Variants in ARMH4 observed in about 807,000 individuals in gnomAD.
The protein encoded by ARMH4 is armadillo like helical domain containing 4, also known as armadillo-like helical domain-containing protein 4.
Under a neutral mutation model 61.9 loss-of-function variants are expected in ARMH4, and 49 were observed. The ratio of observed to expected loss-of-function variants is 0.79; its 90% CI spans 0.63 to 1.00. The LOEUF is 1.00. ARMH4 is among the 50% of genes least tolerant of loss of function. The pLI is 0.00. For missense variants in ARMH4, 934 were observed against 930.0 expected, an observed-to-expected ratio of 1.00 and a Z score of -0.06; for synonymous variants, 368 against 341.5, an observed-to-expected ratio of 1.08 and a Z score of -0.85.
At chr14:58,070,997 C>T (rs1311590374) in intron 5 of ARMH4, among the ~76,000 whole-genome samples, 1 of 151,994 alleles carries the variant, frequency 6.6e-6, no homozygotes, top group Non-Finnish European at 1.5e-5. Context: ...TAACCTGATA[C>T]ATTTGAACAC....
chr14:58,019,548 C>A (rs1170326987), intron 5 of ARMH4, among the ~76,000 whole-genome samples: 6 of 152,066 alleles, frequency 3.9e-5, no homozygotes, highest in Admixed American at 3.9e-4. Flanking sequence ...GAACAAAAAA[C>A]GTGTGAAGAT....
At chr14:58,034,094 A>G (rs1166434117) in intron 5 of ARMH4, among the ~76,000 whole-genome samples, 1 of 130,754 alleles carries the variant, frequency 7.6e-6, no homozygotes, top group Non-Finnish European at 1.7e-5. Flanking sequence ...TCCAAGACAC[A>G]TAATTGTCAG....
chr14:58,025,641 T>C (rs1359827167), intron 5 of ARMH4, among the ~76,000 whole-genome samples: 1 of 152,200 alleles, frequency 6.6e-6, no homozygotes, highest in East Asian at 1.9e-4. Context: ...GAAATGTTTT[T>C]TCCAACTTAT....
chr14:58,075,576 G>A (rs919956911), intron 5 of ARMH4, among the ~76,000 whole-genome samples: 1 of 114,896 alleles, frequency 8.7e-6, no homozygotes, highest in African/African-American at 3.1e-5. Flanking sequence ...ACACAGGGAG[G>A]AGAACATCAC....
intron 4 of ARMH4, among the ~76,000 whole-genome samples, chr14:58,122,872 C>T (rs1437385559): frequency 6.6e-6 from 1 of 152,190 alleles, no homozygotes; most frequent in Non-Finnish European, 1.5e-5. Flanking sequence ...AAACCACTAA[C>T]CAGATGATCC....
At chr14:58,042,698 CA>C (rs1350022442) in intron 5 of ARMH4, among the ~76,000 whole-genome samples, 3 of 151,820 alleles carry the variant, frequency 2.0e-5, no homozygotes, top group African/African-American at 7.3e-5. Context: ...TTGACACTAG[CA>C]AGACTAATAA....
At chr14:58,091,814 C>T (rs535018488) in intron 5 of ARMH4, among the ~76,000 whole-genome samples, 1 of 152,262 alleles carries the variant, frequency 6.6e-6, no homozygotes, top group African/African-American at 2.4e-5. Flanking sequence ...ATGCTACTAG[C>T]GTTTGACCCA....
intron 5 of ARMH4, among the ~76,000 whole-genome samples, chr14:58,032,903 G>A (rs954155609): frequency 2.1e-4 from 32 of 151,586 alleles, no homozygotes; most frequent in Non-Finnish European, 3.2e-4. Flanking sequence ...AGGGTCCTAC[G>A]CCCACGGAAT....
Position 58,115,045 on chromosome 14 carries a change from G to C in ARMH4, c.1831+16467C>G, listed in dbSNP as rs544434594. Among the ~76,000 whole-genome samples, 12 of 152,262 alleles carry C rather than the reference G, an allele frequency of 7.9e-5. No individual in the cohort carries two copies. The South Asian group carries it at 2.5e-3, about 32-fold the overall frequency. ...ACATTGGCCTTGGCAAAGAATTTAT[G>C]ACTAAGTCCCCAAAAGCATTTGCAA... On this transcript the variant is annotated intron_variant, in intron 4 of 7. Coordinates refer to ENST00000267485, the MANE Select transcript of ARMH4 (RefSeq NM_001001872.4).
At chr14:58,119,513 G>A (rs1307389842) in intron 4 of ARMH4, among the ~76,000 whole-genome samples, 1 of 152,122 alleles carries the variant, frequency 6.6e-6, no homozygotes, top group Admixed American at 6.5e-5. Context: ...ATAGTTCCAA[G>A]CTACGTGTTT....
chr14:58,054,355 C>T (rs961554648), intron 5 of ARMH4, among the ~76,000 whole-genome samples: 6 of 152,190 alleles, frequency 3.9e-5, no homozygotes, highest in Admixed American at 3.9e-4. Flanking sequence ...TCTATGTTGG[C>T]CAGCTGAGTG....
intron 5 of ARMH4, among the ~76,000 whole-genome samples, chr14:58,079,679 A>G (rs1885157443): frequency 6.6e-6 from 1 of 152,246 alleles, no homozygotes; most frequent in South Asian, 2.1e-4. Flanking sequence ...TAGGTATTCA[A>G]TAAAAACTTT....
chr14:58,102,760 G>A (rs1476263775), intron 4 of ARMH4, among the ~76,000 whole-genome samples: 4 of 142,698 alleles, frequency 2.8e-5, no homozygotes, highest in African/African-American at 1.0e-4. Context: ...GCAGTGAGCC[G>A]AGATTGCGCC....
At chr14:58,023,900 C>G (rs1955640) in intron 5 of ARMH4, among the ~76,000 whole-genome samples, 80,038 of 151,894 alleles carry the variant, frequency 0.53, 21,278 homozygotes, top group East Asian at 0.67. Context: ...AATTTGAAAG[C>G]AGTCTTTTTT....
chr14:58,130,254 C>T (rs1036873081), intron 4 of ARMH4, among the ~76,000 whole-genome samples: 6 of 152,192 alleles, frequency 3.9e-5, no homozygotes, highest in African/African-American at 7.2e-5. Flanking sequence ...TTTGAGCCCA[C>T]TTTGATCTGT....
intron 5 of ARMH4, among the ~76,000 whole-genome samples, chr14:58,030,668 T>C (rs1333601063): frequency 6.6e-6 from 1 of 152,242 alleles, no homozygotes; most frequent in Non-Finnish European, 1.5e-5. Context: ...TCTGTCTCTA[T>C]GAATTTAACT....
At chr14:58,025,184 T>C (rs12884758) in intron 5 of ARMH4, among the ~76,000 whole-genome samples, 1,726 of 152,198 alleles carry the variant, frequency 0.011, 30 homozygotes, top group East Asian at 0.082. Flanking sequence ...TGCATTACAA[T>C]GAACAGAATG....
chr14:58,093,361 T>A (rs756433235), intron 5 of ARMH4, among the ~76,000 whole-genome samples: 3 of 152,046 alleles, frequency 2.0e-5, no homozygotes, highest in Admixed American at 6.5e-5. Context: ...CAGCTAACTT[T>A]CTGCAGTTTT....
chr14:58,009,807 CA>C (rs1180997628), intron 6 of ARMH4, among the ~76,000 whole-genome samples: 53 of 46,818 alleles, frequency 1.1e-3, no homozygotes, highest in East Asian at 3.4e-3. Context: ...CAAGACTCTG[CA>C]AAAAAAAAAA....
Sources: gnomAD v4.1 joint callset for allele counts (sites outside exome capture counted in the v4.1 genomes callset) on GRCh38, gnomAD v4.1.1 for gene constraint, MANE v1.5 for transcripts, NCBI Gene and HGNC (gene_info 2026-07-23, HGNC 2026-07-21) for gene names.